Variants in PREP observed in about 807,000 individuals in gnomAD.
The protein encoded by PREP is prolyl endopeptidase, also known as dJ355L5.1 (prolyl endopeptidase).
A neutral mutation model predicts 87.6 loss-of-function variants in PREP; 29 were observed. That is an observed-to-expected ratio of 0.33 (90% CI 0.25 to 0.45). The LOEUF (loss-of-function observed/expected upper bound fraction) is 0.45, where lower values mean the gene tolerates loss of function less well. Among genes scored for constraint, PREP ranks in the 20% least tolerant of loss-of-function variants. PREP has a pLI of 1.00. For synonymous variants in PREP, 337 were observed against 328.6 expected (o/e 1.03, Z -0.28); for missense variants, 695 against 886.5 (o/e 0.78, Z 2.74).
chr6:105,367,416 T>G (rs963843654), intron 6 of PREP, among the ~76,000 whole-genome samples: 2 of 152,016 alleles, frequency 1.3e-5, no homozygotes, highest in African/African-American at 4.8e-5. Flanking sequence ...AGAAAAGGCA[T>G]GAAAAACGGA....
At chr6:105,320,282 G>A (rs1234139358) in intron 10 of PREP, among the ~76,000 whole-genome samples, 1 of 152,180 alleles carries the variant, frequency 6.6e-6, no homozygotes, top group Non-Finnish European at 1.5e-5. Flanking sequence ...AAGATAAACT[G>A]ACAGTGTTTC....
At chr6:105,339,909 G>C (rs1347056082) in intron 7 of PREP, among the ~76,000 whole-genome samples, 1 of 151,966 alleles carries the variant, frequency 6.6e-6, no homozygotes, top group Non-Finnish European at 1.5e-5. Context: ...AATGTGGTCT[G>C]ATTTTTCACG....
intron 10 of PREP, among the ~76,000 whole-genome samples, chr6:105,318,549 C>T (rs1562197486): frequency 6.6e-6 from 1 of 152,178 alleles, no homozygotes; most frequent in Admixed American, 6.5e-5. Context: ...AGTATGTACA[C>T]TCTGAATATG....
At chr6:105,284,862 C>G (rs961693006) in intron 12 of PREP, among the ~76,000 whole-genome samples, 1 of 152,182 alleles carries the variant, frequency 6.6e-6, no homozygotes, top group South Asian at 2.1e-4. Flanking sequence ...AGTCAATCAG[C>G]TAGAATACAT....
In PREP at chr6:105,274,703, G is replaced by C. The variant is rs1045599450; in HGVS notation, c.*3441C>G. Among the ~76,000 whole-genome samples the C allele has an allele frequency of 5.9e-5, 9 of 152,292 alleles. No homozygotes were observed. Among genetic ancestry groups the C allele is most frequent in the African/African-American group, 2.2e-4 (9 of 41,564 alleles). ...GAATCACGTGAACCCAAGAGGTGGA[G>C]GTTGCAGTAAGCTGAGATAGCGCCA... On this transcript the variant is annotated 3_prime_UTR_variant, in exon 15 of 15. Transcript: ENST00000652536.
At chr6:105,336,152 TGAGAGGCTGA>T (rs1771470725) in intron 7 of PREP, among the ~76,000 whole-genome samples, 1 of 152,022 alleles carries the variant, frequency 6.6e-6, no homozygotes, top group Admixed American at 6.6e-5. Context: ...CCAAGCTACT[TGAGAGGCTGA>T]GGCAAGAGAA....
chr6:105,311,498 G>C (rs1770761233), intron 10 of PREP, among the ~76,000 whole-genome samples: 1 of 152,200 alleles, frequency 6.6e-6, no homozygotes, highest in Admixed American at 6.5e-5. Flanking sequence ...TGAAAACTCA[G>C]GGGAACTTCC....
At chr6:105,349,324 A>AACAG (rs1186562641) in intron 7 of PREP, among the ~76,000 whole-genome samples, 1 of 152,232 alleles carries the variant, frequency 6.6e-6, no homozygotes, top group East Asian at 1.9e-4. Context: ...GCAGCAAAAG[A>AACAG]ACAGAAGTCC....
At chr6:105,327,679 C>T (rs1033459526) in intron 9 of PREP, among the ~76,000 whole-genome samples, 2 of 152,042 alleles carry the variant, frequency 1.3e-5, no homozygotes, top group African/African-American at 4.8e-5. Context: ...CCTAAGACTG[C>T]TTTTTTTGTC....
In PREP at chr6:105,333,516, A is replaced by G. The variant is rs1274545214; in HGVS notation, c.824-11T>C. The G allele has an allele frequency of 6.2e-7, 1 of 1,613,344 alleles. No homozygotes were observed. On this transcript the variant is annotated splice_polypyrimidine_tract_variant and intron_variant, in intron 7 of 14. Coordinates refer to ENST00000652536, the MANE Select transcript of PREP (RefSeq NM_002726.5). ...CCCACTTCAGGATTCCTGGCAAGAG[A>G]CCAAGCATTCTCATCATCTCTCTAA...
chr6:105,319,994 A>G (rs763621794), intron 10 of PREP, among the ~76,000 whole-genome samples: 5 of 152,228 alleles, frequency 3.3e-5, no homozygotes, highest in Admixed American at 1.3e-4. Context: ...ACATTTAACT[A>G]TCATTTCCCT....
At position 105,316,323 on chromosome 6, in the gene PREP, T is replaced by C. The variant is rs561477393; in HGVS notation, c.1317+7342A>G. Among the ~76,000 whole-genome samples, 6 of 152,316 alleles carry C rather than the reference T, an allele frequency of 3.9e-5. No individual in the cohort carries two copies. The South Asian group carries it at 8.3e-4, about 21-fold the overall frequency. ...GACGAGAGGGAGAGAGATGAGGGTA[T>C]AGCTGACGGATGGAGCAGTCAGAAC... On this transcript the variant is annotated intron_variant, in intron 10 of 14. Transcript: ENST00000652536.
At chr6:105,294,013 G>A (rs893300733) in intron 10 of PREP, among the ~76,000 whole-genome samples, 1 of 152,146 alleles carries the variant, frequency 6.6e-6, no homozygotes, top group Non-Finnish European at 1.5e-5. Flanking sequence ...AAGAGGCTTT[G>A]GGAGTGTTTC....
chr6:105,314,266 T>A (rs1348920586), intron 10 of PREP, among the ~76,000 whole-genome samples: 1 of 152,232 alleles, frequency 6.6e-6, no homozygotes, highest in Non-Finnish European at 1.5e-5. Context: ...GGGATGGTGG[T>A]TGCTGAAGGA....
intron 2 of PREP, among the ~76,000 whole-genome samples, chr6:105,394,219 T>C (rs1193931721): frequency 6.6e-6 from 1 of 152,118 alleles, no homozygotes; most frequent in East Asian, 1.9e-4. Context: ...AATCCAAAAC[T>C]AAAAGTAGGA....
rs1459632953 is a variant in PREP, at chr6:105,273,249, A to G, written c.*4895T>C. ...TTTTTTCTCTTTATTTCACTACCAG[A>G]GATTATTTCGATAACATTATGATTT... is the stretch of plus-strand genomic sequence containing the variant. On this transcript the variant is annotated 3_prime_UTR_variant, in exon 15 of 15. Transcript: ENST00000652536. The G allele has an allele frequency of 6.6e-6, 1 of 152,150 alleles. No homozygotes were observed. Among genetic ancestry groups the G allele is most frequent in the Non-Finnish European group, 1.5e-5 (1 of 68,028 alleles). The allele number at this position is 152,150 out of a possible 1,614,324, so 9.4% of individuals were successfully genotyped here. A position where few individuals can be genotyped will look rare whatever the true frequency, so the allele number is the denominator to read the frequency against.
At chr6:105,316,564 C>G (rs1770874692) in intron 10 of PREP, among the ~76,000 whole-genome samples, 1 of 152,116 alleles carries the variant, frequency 6.6e-6, no homozygotes, top group Non-Finnish European at 1.5e-5. Flanking sequence ...TTGCTTCAAA[C>G]CTTCAGTTTT....
intron 2 of PREP, among the ~76,000 whole-genome samples, chr6:105,391,884 A>C (rs1562228630): frequency 6.6e-6 from 1 of 152,180 alleles, no homozygotes; most frequent in Non-Finnish European, 1.5e-5. Context: ...GAAGTCAACC[A>C]CATGTTATTT....
At chr6:105,380,964 T>C (rs572951033) in intron 2 of PREP, among the ~76,000 whole-genome samples, 3 of 152,336 alleles carry the variant, frequency 2.0e-5, no homozygotes, top group South Asian at 2.1e-4. Context: ...ACATGTCTCA[T>C]GGTATAATTA....
Sources: gnomAD v4.1 joint callset for allele counts (sites outside exome capture counted in the v4.1 genomes callset) on GRCh38, gnomAD v4.1.1 for gene constraint, MANE v1.5 for transcripts, NCBI Gene and HGNC (gene_info 2026-07-23, HGNC 2026-07-21) for gene names.